The following MYO16 variants were observed in gnomAD, a reference collection of about 807,000 sequenced individuals.
The protein encoded by MYO16 is unconventional myosin-XVI.
MYO16 carries 94 observed loss-of-function variants against 205.3 expected under a neutral mutation model. That is an observed-to-expected ratio of 0.46 (90% CI 0.39 to 0.54). The LOEUF (loss-of-function observed/expected upper bound fraction) is 0.54, where lower values mean the gene tolerates loss of function less well. MYO16 is among the 20% of genes least tolerant of loss of function. MYO16 has a pLI of 0.00. For synonymous variants in MYO16, 988 were observed against 954.0 expected (o/e 1.04, Z -0.66); for missense variants, 2,315 against 2,387.5 (o/e 0.97, Z 0.63).
chr13:108,947,730 G>A (rs530318298), intron 16 of MYO16, among the ~76,000 whole-genome samples: 1 of 152,244 alleles, frequency 6.6e-6, no homozygotes, highest in Non-Finnish European at 1.5e-5. Flanking sequence ...CAAATAATTG[G>A]CCATACGATC....
chr13:108,739,844 C>T (rs572878089), intron 4 of MYO16, among the ~76,000 whole-genome samples: 33 of 152,288 alleles, frequency 2.2e-4, no homozygotes, highest in African/African-American at 7.5e-4. Context: ...TCTTTTTACA[C>T]TTTTTTCTCT....
At chr13:108,685,926 G>A (rs1356473402) in intron 2 of MYO16, among the ~76,000 whole-genome samples, 3 of 152,158 alleles carry the variant, frequency 2.0e-5, no homozygotes, top group African/African-American at 7.2e-5. Flanking sequence ...CCACCCTAAT[G>A]ACCTCAGTGA....
At chr13:108,540,733 C>T in the MYO16 span, among the ~76,000 whole-genome samples, 1 of 152,066 alleles carries the variant, frequency 6.6e-6, no homozygotes, top group Non-Finnish European at 1.5e-5. Flanking sequence ...AACATGAGTG[C>T]TGCAAAGAGC....
At chr13:108,822,731 C>T (rs552989040) in intron 8 of MYO16, among the ~76,000 whole-genome samples, 1 of 152,124 alleles carries the variant, frequency 6.6e-6, no homozygotes, top group Non-Finnish European at 1.5e-5. Flanking sequence ...CAGTTACATG[C>T]TTTATAACCC....
chr13:108,780,400 G>C (rs1886263809), intron 4 of MYO16, among the ~76,000 whole-genome samples: 1 of 150,818 alleles, frequency 6.6e-6, no homozygotes, highest in Non-Finnish European at 1.5e-5. Context: ...TCATTCATTA[G>C]GCTTTTTGCA....
intron 25 of MYO16, 50 bp downstream of exon 25, chr13:109,052,525 T>C: frequency 3.6e-6 from 5 of 1,383,124 alleles, no homozygotes; most frequent in Non-Finnish European, 5.0e-6. Context: ...TTGATAAGTA[T>C]ATTTGCTTCT....
At chr13:108,722,417 T>C (rs1884198141) in intron 3 of MYO16, among the ~76,000 whole-genome samples, 1 of 152,070 alleles carries the variant, frequency 6.6e-6, no homozygotes. Context: ...CAGACAAGAG[T>C]GACTAGAAAG....
intron 34 of MYO16, among the ~76,000 whole-genome samples, chr13:109,200,132 T>A (rs1880342151): frequency 6.6e-6 from 1 of 152,224 alleles, no homozygotes; most frequent in Non-Finnish European, 1.5e-5. Context: ...GGCTCACAGA[T>A]GATGATTTTA....
intron 27 of MYO16, among the ~76,000 whole-genome samples, chr13:109,085,891 C>T (rs946166574): frequency 7.2e-5 from 11 of 152,184 alleles, no homozygotes; most frequent in Admixed American, 3.9e-4. Context: ...AAATGTGTGA[C>T]GGAGAGAAAC....
rs548610346 is a variant in MYO16 at position 109,156,309 on chromosome 13, G to T, written c.5165-8592G>T. On this transcript the variant is annotated intron_variant, in intron 32 of 34. Transcript: ENST00000457511. ...TTGAGAAGTGGTGGGAGCCTGCCAG[G>T]CACCTCTCTCTGCATTTGTACTTTT... Among the ~76,000 whole-genome samples the T allele has an allele frequency of 4.5e-4, 68 of 152,306 alleles. 1 individual carries two copies. Among genetic ancestry groups the T allele is most frequent in the African/African-American group, 1.6e-3 (66 of 41,564 alleles).
chr13:108,819,199 T>C (rs949552815), intron 7 of MYO16, among the ~76,000 whole-genome samples: 3 of 152,182 alleles, frequency 2.0e-5, no homozygotes, highest in African/African-American at 7.2e-5. Context: ...AACAAATAAA[T>C]GACTGCAAAT....
At chr13:108,524,477 C>T in the MYO16 span, among the ~76,000 whole-genome samples, 1 of 152,176 alleles carries the variant, frequency 6.6e-6, no homozygotes, top group Non-Finnish European at 1.5e-5. Context: ...GATGCCAGCA[C>T]CTTGCTTCTT....
At chr13:109,012,005 G>A (rs1332692550) in intron 22 of MYO16, among the ~76,000 whole-genome samples, 1 of 151,656 alleles carries the variant, frequency 6.6e-6, no homozygotes, top group African/African-American at 2.4e-5. Context: ...TTTACTTCCT[G>A]AGAAGAATTA....
chr13:108,541,000 T>C, the MYO16 span, among the ~76,000 whole-genome samples: 1 of 152,142 alleles, frequency 6.6e-6, no homozygotes, highest in Non-Finnish European at 1.5e-5. Flanking sequence ...GGAAATACTC[T>C]TAGGTGACAT....
intron 1 of MYO16, among the ~76,000 whole-genome samples, chr13:108,655,487 G>T (rs1881202055): frequency 6.6e-6 from 1 of 152,224 alleles, no homozygotes; most frequent in Admixed American, 6.5e-5. Flanking sequence ...TGGCCCTCAT[G>T]GAGGACCTCA....
In MYO16 at chr13:109,042,221, G is replaced by A. The variant is rs547492541; in HGVS notation, c.2797-4695G>A. ...CTTCACTGATCAAGGAAAGTATCAC[G>A]GTTAAAAGACCTAATTTGGAATCGA... On this transcript the variant is annotated intron_variant, in intron 23 of 34. Transcript: ENST00000457511. Among the ~76,000 whole-genome samples, 6 of 152,262 alleles carry A rather than the reference G, an allele frequency of 3.9e-5. No homozygotes were observed. The East Asian group carries it at 7.7e-4, about 20-fold the overall frequency.
the MYO16 span, among the ~76,000 whole-genome samples, chr13:108,509,275 G>T: frequency 6.6e-6 from 1 of 152,164 alleles, no homozygotes; most frequent in Admixed American, 6.6e-5. Flanking sequence ...TGCACAACCT[G>T]AAGAGTATTT....
intron 27 of MYO16, among the ~76,000 whole-genome samples, chr13:109,076,887 C>G (rs1022256578): frequency 1.3e-5 from 2 of 152,134 alleles, no homozygotes; most frequent in African/African-American, 4.8e-5. Flanking sequence ...AACTGATTCT[C>G]TCTATATATT....
At chr13:108,895,245 T>C (rs1324696976) in intron 14 of MYO16, among the ~76,000 whole-genome samples, 1 of 152,132 alleles carries the variant, frequency 6.6e-6, no homozygotes, top group Non-Finnish European at 1.5e-5. Flanking sequence ...TAAGTAAATA[T>C]TGAGGAAAAT....
Sources: allele counts gnomAD v4.1 joint callset (sites outside exome capture counted in the v4.1 genomes callset), GRCh38; gene constraint gnomAD v4.1.1; transcripts MANE v1.5; gene names NCBI Gene and HGNC (gene_info 2026-07-23, HGNC 2026-07-21).